GRM8: variants seen among roughly 807,000 people sequenced by gnomAD.
GRM8 encodes glutamate metabotropic receptor 8.
GRM8 carries 47 observed loss-of-function variants against 87.2 expected under a neutral mutation model. The ratio of observed to expected loss-of-function variants is 0.54; its 90% confidence interval spans 0.43 to 0.69. The LOEUF is 0.69. GRM8 is among the 30% of genes least tolerant of loss of function. The pLI is 0.00. For missense variants in GRM8, 1,019 were observed against 1,139.2 expected (o/e 0.89, Z 1.52); for synonymous variants, 396 against 404.5 (o/e 0.98, Z 0.25).
intron 9 of GRM8, among the ~76,000 whole-genome samples, chr7:126,477,581 GAGAAAGAAAGAAAGAAAGAAAGAAAGAA>G (rs36192147): frequency 2.5e-5 from 2 of 79,168 alleles, no homozygotes; most frequent in African/African-American, 1.2e-4. Flanking sequence ...GAAAGAAAGA[GAGAAAGAAAGAAAGAAAGAAAGAAAGAA>G]AGAAAGAAAG....
At chr7:127,221,090 C>A (rs1188075241) in intron 2 of GRM8, among the ~76,000 whole-genome samples, 1 of 152,210 alleles carries the variant, frequency 6.6e-6, no homozygotes, top group Non-Finnish European at 1.5e-5. Context: ...TTGAAGGTTC[C>A]TATTGTCCAA....
In GRM8 at chr7:127,110,102, C is replaced by T. The variant is rs565933295; in HGVS notation, c.511-3390G>A. Reference sequence around the variant, plus strand: ...CCTCACCCACAGCTAAAGCTTTTGCCAGATTCCAGTGACCACTCTGTACCA... The same window carrying T: ...CCTCACCCACAGCTAAAGCTTTTGCTAGATTCCAGTGACCACTCTGTACCA... On this transcript the variant is annotated intron_variant, in intron 2 of 10. Transcript: ENST00000339582. 2.0e-5 allele frequency among the ~76,000 whole-genome samples: 3 copies of T among 152,328 alleles called. No individual in the cohort carries two copies. The East Asian group carries it at 5.8e-4, about 29-fold the overall frequency.
At chr7:127,149,219 A>G (rs1828715227) in intron 2 of GRM8, among the ~76,000 whole-genome samples, 1 of 152,072 alleles carries the variant, frequency 6.6e-6, no homozygotes, top group Non-Finnish European at 1.5e-5. Flanking sequence ...GAATTCATAT[A>G]TTAATAGTAG....
intron 7 of GRM8, among the ~76,000 whole-genome samples, chr7:126,620,994 A>T (rs978280339): frequency 6.6e-6 from 1 of 152,170 alleles, no homozygotes; most frequent in African/African-American, 2.4e-5. Context: ...AGCAGGAAAA[A>T]AATAAGAAAG....
chr7:126,778,372 C>T lies in GRM8; in HGVS notation c.1157-8307G>A, dbSNP rs376144976. Among the ~76,000 whole-genome samples the T allele has an allele frequency of 2.5e-4, 38 of 152,242 alleles. 1 individual carries two copies. The Middle Eastern group carries it at 0.01, about 41-fold the overall frequency. On this transcript the variant is annotated intron_variant, in intron 6 of 10. Coordinates refer to ENST00000339582, the MANE Select transcript of GRM8 (RefSeq NM_000845.3). ...GCTTCAGGCAGGTGCCAGGTGTCCC[C>T]TTCAGGTATTAAAAATTTCCATGCA...
intron 3 of GRM8, among the ~76,000 whole-genome samples, chr7:127,082,770 G>A (rs1415630737): frequency 6.6e-6 from 1 of 152,066 alleles, no homozygotes. Flanking sequence ...ACTTTACATG[G>A]GTTTTCTCTT....
At chr7:126,561,673 C>T (rs377059752) in intron 8 of GRM8, among the ~76,000 whole-genome samples, 6 of 151,418 alleles carry the variant, frequency 4.0e-5, no homozygotes, top group Admixed American at 2.6e-4. Flanking sequence ...ATGTGCACAA[C>T]GTGCAGGTTT....
chr7:126,701,037 GTA>G (rs1192869141), intron 7 of GRM8, among the ~76,000 whole-genome samples: 1 of 150,062 alleles, frequency 6.7e-6, no homozygotes, highest in Non-Finnish European at 1.5e-5. Flanking sequence ...TTTAATAAAT[GTA>G]TATATATATG....
At chr7:126,735,748 G>A (rs181579073) in intron 7 of GRM8, among the ~76,000 whole-genome samples, 6 of 151,954 alleles carry the variant, frequency 3.9e-5, no homozygotes, top group Admixed American at 6.6e-5. Flanking sequence ...TTTTTTAGAC[G>A]GCACCCACAA....
chr7:127,021,185 C>A (rs1816226775), intron 3 of GRM8, among the ~76,000 whole-genome samples: 1 of 151,856 alleles, frequency 6.6e-6, no homozygotes, highest in Non-Finnish European at 1.5e-5. Flanking sequence ...GACACAGAGA[C>A]CAAAAGAAAC....
chr7:126,881,871 A>G (rs910765483), intron 6 of GRM8, among the ~76,000 whole-genome samples: 3 of 152,222 alleles, frequency 2.0e-5, no homozygotes, highest in Middle Eastern at 3.2e-3. Context: ...GACTGACTAA[A>G]TAAAAATTAT....
At chr7:126,988,075 A>C (rs200455834) in intron 3 of GRM8, among the ~76,000 whole-genome samples, 2 of 62,882 alleles carry the variant, frequency 3.2e-5, no homozygotes, top group Admixed American at 1.4e-4. Flanking sequence ...CTCTTCGTTT[A>C]AAAAAAAAAA....
At chr7:126,871,774 A>G (rs542657002) in intron 6 of GRM8, among the ~76,000 whole-genome samples, 21 of 152,314 alleles carry the variant, frequency 1.4e-4, no homozygotes, top group African/African-American at 3.8e-4. Context: ...TATATGGTAA[A>G]GACTGTCTTC....
At chr7:127,066,814 T>C (rs1178920977) in intron 3 of GRM8, among the ~76,000 whole-genome samples, 1 of 152,222 alleles carries the variant, frequency 6.6e-6, no homozygotes, top group Non-Finnish European at 1.5e-5. Context: ...TTCCCAGCCT[T>C]TGCTAGCCTC....
intron 7 of GRM8, among the ~76,000 whole-genome samples, chr7:126,731,948 A>G (rs1200337914): frequency 6.6e-6 from 1 of 152,020 alleles, no homozygotes; most frequent in Non-Finnish European, 1.5e-5. Context: ...ATTCTAACAG[A>G]TAATATATAT....
At chr7:126,529,350 A>G (rs994637242) in intron 9 of GRM8, among the ~76,000 whole-genome samples, 1 of 152,220 alleles carries the variant, frequency 6.6e-6, no homozygotes, top group Non-Finnish European at 1.5e-5. Flanking sequence ...GAAGAGCTAT[A>G]TGTTAAGAGA....
At chr7:126,926,566 A>G (rs1380156004) in intron 3 of GRM8, among the ~76,000 whole-genome samples, 1 of 152,196 alleles carries the variant, frequency 6.6e-6, no homozygotes, top group African/African-American at 2.4e-5. Context: ...TAAAATTTCA[A>G]TCTGATGGTG....
intron 7 of GRM8, among the ~76,000 whole-genome samples, chr7:126,628,223 T>A (rs141757311): frequency 0.012 from 1,840 of 152,206 alleles, 34 homozygotes; most frequent in African/African-American, 0.042. Context: ...AATTTTTGTA[T>A]TTTTAGTAGA....
chr7:126,540,925 C>G (rs1816461524), intron 8 of GRM8, among the ~76,000 whole-genome samples: 1 of 152,152 alleles, frequency 6.6e-6, no homozygotes, highest in South Asian at 2.1e-4. Context: ...TAAGTTATCT[C>G]TATAAAGCTG....
Sources: gnomAD v4.1 joint callset for allele counts (sites outside exome capture counted in the v4.1 genomes callset) on GRCh38, gnomAD v4.1.1 for gene constraint, MANE v1.5 for transcripts, NCBI Gene and HGNC (gene_info 2026-07-23, HGNC 2026-07-21) for gene names.